STK4: variants seen among roughly 807,000 people sequenced by gnomAD.
STK4 encodes the protein serine/threonine-protein kinase 4.
Under a neutral mutation model 64.9 loss-of-function variants are expected in STK4, and 30 were observed. That is an observed-to-expected ratio of 0.46 (90% CI 0.35 to 0.63). STK4 has a LOEUF of 0.63. Ranked by LOEUF, STK4 falls within the 20% of genes least tolerant of loss-of-function variation. The probability of loss-of-function intolerance (pLI) is 0.01; values close to 1 mark genes in which losing one functional copy is unlikely to be tolerated. For synonymous variants in STK4, 177 were observed against 199.0 expected (o/e 0.89, Z 0.93); for missense variants, 466 against 598.5 (o/e 0.78, Z 2.31).
intron 2 of STK4, 21 bp from the exon 3 acceptor site, chr20:44,978,422 C>G (rs764109719): frequency 6.3e-6 from 10 of 1,598,094 alleles, no homozygotes; most frequent in Non-Finnish European, 7.7e-6. Flanking sequence ...TATAAATGTT[C>G]TTCTTCTCCC....
At chr20:45,069,356 G>C (rs946515408) in intron 10 of STK4, among the ~76,000 whole-genome samples, 1 of 152,184 alleles carries the variant, frequency 6.6e-6, no homozygotes, top group Non-Finnish European at 1.5e-5. Context: ...CTCTAGGGTT[G>C]GCCCTTATTT....
chr20:44,987,244 A>G lies in STK4; in HGVS notation c.473A>G (p.Asn158Ser), dbSNP rs774250826. 70 of 1,612,076 alleles carry G rather than the reference A, an allele frequency of 4.3e-5. No individual in the cohort carries two copies. Among genetic ancestry groups the G allele is most frequent in the Non-Finnish European group, 5.7e-5 (67 of 1,179,474 alleles). The change falls in exon 5 of 11, where the codon AAT becomes AGT. Residue 158 changes from asparagine (N) to serine (S), a missense_variant. Transcript: ENST00000372806. Reference protein sequence around the residue: ...RDIKAGNILLNTEGHAKLADF... With the variant: ...RDIKAGNILLSTEGHAKLADF... The stretch of plus-strand genomic sequence containing the variant: ...ATCAAGGCAGGAAATATTTTGCTAA[A>G]TACAGAAGGACATGCAAAACTTGCA...
intron 1 of STK4, among the ~76,000 whole-genome samples, chr20:44,970,020 A>G (rs2067216002): frequency 6.6e-6 from 1 of 152,190 alleles, no homozygotes; most frequent in Non-Finnish European, 1.5e-5. Context: ...ATCAGGCACC[A>G]GAGATGTAAT....
intron 1 of STK4, among the ~76,000 whole-genome samples, chr20:44,968,585 C>T (rs1340177388): frequency 1.3e-5 from 2 of 152,152 alleles, no homozygotes; most frequent in Non-Finnish European, 2.9e-5. Flanking sequence ...TATGTTCGTT[C>T]GTTCTTCTTG....
chr20:44,981,906 G>A lies in STK4; in HGVS notation c.323G>A (p.Gly108Asp). Reference sequence around the variant, plus strand: ...ATCGTTATGGAGTACTGTGGGGCTGGTTCTGTATCTGATATCATTCGATTA... The same window carrying A: ...ATCGTTATGGAGTACTGTGGGGCTGATTCTGTATCTGATATCATTCGATTA... ...LWIVMEYCGA[G>D]SVSDIIRLRN... The change falls in exon 4 of 11, where the codon GGT (glycine) becomes GAT (aspartate). Residue 108 changes from glycine to aspartate, a missense_variant. Physicochemically the swap from Gly to Asp is moderately conservative, Grantham distance 94. This residue lies in a region of STK4 where 190 missense variants were observed against 289.7 expected (regional missense o/e 0.66). Transcript: ENST00000372806. The A allele has an allele frequency of 6.2e-7, 1 of 1,613,942 alleles. No homozygotes were observed. Among genetic ancestry groups the A allele is most frequent in the Non-Finnish European group, 8.5e-7 (1 of 1,179,916 alleles).
rs567142506 is a variant in STK4, at chr20:45,023,368, A to G, written c.1148-1605A>G. The stretch of plus-strand genomic sequence containing the variant: ...TGAGAGGTAGGGTGGCTGGCCTGAA[A>G]CTGGACTAGGAAGTGTCATGAAATA... On this transcript the variant is annotated intron_variant, in intron 9 of 10. Transcript: ENST00000372806. 2.6e-5 allele frequency among the ~76,000 whole-genome samples: 4 copies of G among 152,250 alleles called. No homozygotes were observed. In the South Asian group the frequency reaches 8.3e-4, roughly 32 times the overall value.
chr20:44,980,872 G>A (rs2067425753), intron 3 of STK4, among the ~76,000 whole-genome samples: 1 of 152,052 alleles, frequency 6.6e-6, no homozygotes, highest in African/African-American at 2.4e-5. Flanking sequence ...GTTTCACCAT[G>A]TTAGCCAGGA....
intron 10 of STK4, among the ~76,000 whole-genome samples, chr20:45,070,014 T>G (rs1019847674): frequency 2.0e-5 from 3 of 151,814 alleles, no homozygotes; most frequent in Admixed American, 2.0e-4. Context: ...ACATCTAAAC[T>G]AAAACCTGTA....
chr20:44,982,303 A>C (rs1194436781), intron 4 of STK4, among the ~76,000 whole-genome samples: 2 of 142,918 alleles, frequency 1.4e-5, no homozygotes, highest in Non-Finnish European at 3.1e-5. Context: ...TTGTTTTTTA[A>C]TTTTTTTTTT....
chr20:45,040,379 A>T (rs2068593847), intron 10 of STK4, among the ~76,000 whole-genome samples: 1 of 152,088 alleles, frequency 6.6e-6, no homozygotes, highest in Non-Finnish European at 1.5e-5. Flanking sequence ...CAAAGATATA[A>T]CCAGGGATTT....
intron 2 of STK4, among the ~76,000 whole-genome samples, chr20:44,976,607 C>G (rs1339555007): frequency 6.6e-6 from 1 of 152,194 alleles, no homozygotes; most frequent in African/African-American, 2.4e-5. Flanking sequence ...TGTTGTCAAT[C>G]CGGTATCCAA....
Position 44,986,893 on chromosome 20 carries a change from G to C in STK4, c.361-239G>C, listed in dbSNP as rs534844564. On this transcript the variant is annotated intron_variant, in intron 4 of 10. Transcript: ENST00000372806. ...ATAGAGTTTGATTTTGACATGTTAT[G>C]CTTATGATGCTGGCTAGGTATTCTA... Among the ~76,000 whole-genome samples, 45 of 152,234 alleles carry C rather than the reference G, an allele frequency of 3.0e-4. 1 individual carries two copies. Among genetic ancestry groups the C allele is most frequent in the African/African-American group, 1.1e-3 (45 of 41,544 alleles).
intron 9 of STK4, among the ~76,000 whole-genome samples, chr20:45,011,803 A>AT (rs2068056141): frequency 1.4e-5 from 2 of 146,756 alleles, no homozygotes; most frequent in Admixed American, 6.9e-5. Context: ...TAACAGTAAA[A>AT]ATATATATAT....
chr20:44,971,082 T>TACAC (rs142027582), intron 1 of STK4, among the ~76,000 whole-genome samples: 14,462 of 136,240 alleles, frequency 0.11, 760 homozygotes, highest in East Asian at 0.16. Context: ...TTGTGTAGAC[T>TACAC]ACACACACAC....
At chr20:45,030,432 A>T (rs2068424336) in intron 10 of STK4, among the ~76,000 whole-genome samples, 1 of 152,066 alleles carries the variant, frequency 6.6e-6, no homozygotes, top group Non-Finnish European at 1.5e-5. Flanking sequence ...AGACTTTCTG[A>T]TTTCTAGGCA....
chr20:44,985,404 C>T (rs1267177983), intron 4 of STK4, among the ~76,000 whole-genome samples: 1 of 152,044 alleles, frequency 6.6e-6, no homozygotes, highest in East Asian at 1.9e-4. Context: ...CTGGAGTGCA[C>T]ACAATCTCAG....
intron 9 of STK4, among the ~76,000 whole-genome samples, chr20:45,020,462 GTGTGTATGTT>G (rs3044395): frequency 0.21 from 29,199 of 136,370 alleles, 3,467 homozygotes; most frequent in African/African-American, 0.37. Flanking sequence ...GTGTGTGTGT[GTGTGTATGTT>G]TATGTTTATG....
chr20:44,988,481 CA>C (rs1190752703), intron 5 of STK4, among the ~76,000 whole-genome samples: 15 of 129,926 alleles, frequency 1.2e-4, no homozygotes, highest in South Asian at 2.4e-4. Flanking sequence ...GACCCCATCT[CA>C]AAAAAAAAAT....
At chr20:44,991,048 G>GT (rs2067623750) in intron 5 of STK4, among the ~76,000 whole-genome samples, 1 of 151,902 alleles carries the variant, frequency 6.6e-6, no homozygotes, top group Admixed American at 6.6e-5. Flanking sequence ...TTTCCCCTTT[G>GT]TTTTTTTATT....
Sources: gnomAD v4.1 joint callset for allele counts (sites outside exome capture counted in the v4.1 genomes callset) on GRCh38, gnomAD v4.1.1 for gene constraint, gnomAD v4.1.1 regional missense constraint, MANE v1.5 for transcripts, NCBI Gene and HGNC (gene_info 2026-07-23, HGNC 2026-07-21) for gene names.